The following WDCP variants were observed in gnomAD, a reference collection of about 807,000 sequenced individuals.
The protein encoded by WDCP is WD repeat and coiled-coil-containing protein.
In WDCP, 19 loss-of-function variants were observed where a neutral mutation model predicts 41.6. The ratio of observed to expected loss-of-function variants is 0.46; its 90% CI spans 0.32 to 0.67. The LOEUF (loss-of-function observed/expected upper bound fraction) is 0.67, where lower values mean the gene tolerates loss of function less well. Among genes scored for constraint, WDCP ranks in the 30% least tolerant of loss-of-function variants. The pLI is 0.04. For missense variants in WDCP, 802 were observed against 850.7 expected, an observed-to-expected ratio of 0.94 and a Z score of 0.71; for synonymous variants, 302 against 320.8, an observed-to-expected ratio of 0.94 and a Z score of 0.63.
intron 1 of WDCP, among the ~76,000 whole-genome samples, chr2:24,042,791 G>A (rs1048180534): frequency 2.0e-5 from 3 of 152,028 alleles, no homozygotes; most frequent in Non-Finnish European, 2.9e-5. Flanking sequence ...CTAGCATTTT[G>A]GGAGGCCGAG....
Position 24,038,162 on chromosome 2 carries a change from G to A in WDCP, c.1333C>T (p.Gln445Ter). 2.5e-6 allele frequency: 4 copies of A among 1,614,168 alleles called. No individual in the cohort carries two copies. The highest frequency in any genetic ancestry group is 3.4e-6 in the Non-Finnish European group (4 of 1,180,032). Residue 445 changes from glutamine (Q) to a stop codon, truncating the protein, a stop_gained, in exon 2 of 4, where the codon CAG becomes TAG. Transcript: ENST00000295148. LOFTEE classifies it high-confidence loss of function. The part of the protein sequence containing the change: ...EEPSITSGES[Q>*]TTYSTFSAPL... ...GCACTGAAAGTAGAGTAGGTAGTCTGGCTTTCACCTGATGTTATTGAAGGT... is the reference window on the plus strand; with the variant it reads ...GCACTGAAAGTAGAGTAGGTAGTCTAGCTTTCACCTGATGTTATTGAAGGT...
At chr2:24,044,110 G>C (rs1287281966) in intron 1 of WDCP, among the ~76,000 whole-genome samples, 1 of 152,078 alleles carries the variant, frequency 6.6e-6, no homozygotes, top group Non-Finnish European at 1.5e-5. Flanking sequence ...ACACTTTCAT[G>C]GGCAGAGAAA....
In WDCP at chr2:24,031,141, G is replaced by A. The variant is rs200535991; in HGVS notation, c.1958C>T (p.Ser653Phe). 1 of 1,613,850 alleles carries A rather than the reference G, an allele frequency of 6.2e-7. No individual in the cohort carries two copies. Among genetic ancestry groups the A allele is most frequent in the East Asian group, 2.2e-5 (1 of 44,888 alleles). Residue 653 changes from serine to phenylalanine, a missense_variant, in exon 4 of 4, where the codon TCT becomes TTT. Ser to Phe is a radical substitution (Grantham distance 155, BLOSUM62 -2). Coordinates refer to ENST00000295148, the MANE Select transcript of WDCP (RefSeq NM_025203.3). ...CGGGATAAAGCCCTCACTGTCAGCA[G>A]AGAGAAGAATCCAGTGGGAATCTGC... ...MLHDSHWILL[S>F]ADSEGFIPLT...
intron 2 of WDCP, among the ~76,000 whole-genome samples, chr2:24,037,077 G>C (rs1346376465): frequency 6.6e-6 from 1 of 152,202 alleles, no homozygotes; most frequent in Non-Finnish European, 1.5e-5. Flanking sequence ...GCCCAGGCTG[G>C]AGTGCAGTGG....
chr2:24,041,878 A>G (rs1200339475), intron 1 of WDCP, among the ~76,000 whole-genome samples: 1 of 142,818 alleles, frequency 7.0e-6, no homozygotes, highest in Non-Finnish European at 1.5e-5. Flanking sequence ...AAAAAAAAAA[A>G]AAAGATACAT....
At chr2:24,036,804 A>G (rs1663270266) in intron 2 of WDCP, among the ~76,000 whole-genome samples, 1 of 152,340 alleles carries the variant, frequency 6.6e-6, no homozygotes, top group Non-Finnish European at 1.5e-5. Flanking sequence ...CTATATATCT[A>G]TGTACACAAA....
chr2:24,035,018 AT>A (rs948485880), intron 2 of WDCP, among the ~76,000 whole-genome samples: 4 of 151,328 alleles, frequency 2.6e-5, no homozygotes, highest in African/African-American at 7.2e-5. Context: ...TTTATATTAG[AT>A]TTTTTTTGGA....
intron 2 of WDCP, 125 bp from the exon 3 acceptor site, chr2:24,033,071 T>C (rs1166850405): frequency 1.1e-5 from 8 of 720,234 alleles, no homozygotes; most frequent in Non-Finnish European, 2.0e-5. Flanking sequence ...TCAACTGGAC[T>C]TCAGTTTTAA....
chr2:24,036,252 T>C (rs1663253370), intron 2 of WDCP, among the ~76,000 whole-genome samples: 2 of 151,690 alleles, frequency 1.3e-5, no homozygotes, highest in South Asian at 4.2e-4. Context: ...ACACCTGTAA[T>C]CCCAGCACTT....
Position 24,038,349 on chromosome 2 carries a change from T to C in WDCP, c.1146A>G (p.Leu382=). Residue 382 remains leucine (L), a synonymous_variant, in exon 2 of 4, where the codon TTA becomes TTG. Transcript: ENST00000295148. The part of the protein sequence containing the change: ...SSVPNIQQIR[L]ENTERPKGIC... Reference sequence around the variant, plus strand: ...TCCCTTTTGGTCTTTCAGTGTTCTCTAATCGAATTTGCTGGATGTTTGGGA... The same window carrying C: ...TCCCTTTTGGTCTTTCAGTGTTCTCCAATCGAATTTGCTGGATGTTTGGGA... The C allele has an allele frequency of 6.2e-7, 1 of 1,614,210 alleles. No individual in the cohort carries two copies. The highest frequency in any genetic ancestry group is 8.5e-7 in the Non-Finnish European group (1 of 1,180,014).
At position 24,038,372 on chromosome 2, in the gene WDCP, G is replaced by T. The variant is rs1165303305; in HGVS notation, c.1123C>A (p.Pro375Thr). The T allele has an allele frequency of 6.2e-7, 1 of 1,614,008 alleles. No individual in the cohort carries two copies. Among genetic ancestry groups the T allele is most frequent in the Non-Finnish European group, 8.5e-7 (1 of 1,180,030 alleles). The change falls in exon 2 of 4, where the codon CCA (proline) becomes ACA (threonine). Residue 375 changes from proline (P) to threonine (T), a missense_variant. By Grantham distance (38) the Pro-to-Thr change is conservative. Around this residue, in one of 5 missense-constraint regions of WDCP, gnomAD observed 247 missense variants for 240.5 expected, o/e 1.03. Coordinates refer to ENST00000295148, the MANE Select transcript of WDCP (RefSeq NM_025203.3). ...LIYSVIPSSV[P>T]NIQQIRLENT... is the part of the protein sequence containing the mutation. ...TCTAATCGAATTTGCTGGATGTTTG[G>T]GACTGAAGATGGAATGACAGAGTAG...
At chr2:24,035,746 C>T (rs1396522470) in intron 2 of WDCP, among the ~76,000 whole-genome samples, 1 of 151,350 alleles carries the variant, frequency 6.6e-6, no homozygotes, top group Non-Finnish European at 1.5e-5. Flanking sequence ...AAGACCTTGT[C>T]TCTATAGTTA....
At chr2:24,033,909 C>T (rs1192579947) in intron 2 of WDCP, among the ~76,000 whole-genome samples, 1 of 152,118 alleles carries the variant, frequency 6.6e-6, no homozygotes, top group African/African-American at 2.4e-5. Context: ...TAAAACTATA[C>T]ATCACTGTGG....
At chr2:24,041,555 G>C (rs1213264287) in intron 1 of WDCP, among the ~76,000 whole-genome samples, 2 of 151,864 alleles carry the variant, frequency 1.3e-5, no homozygotes, top group East Asian at 3.9e-4. Context: ...TGGCTCATAG[G>C]CATGAGCCAC....
intron 1 of WDCP, among the ~76,000 whole-genome samples, chr2:24,043,641 AATTCC>A (rs767822392): frequency 6.6e-6 from 1 of 152,206 alleles, no homozygotes; most frequent in Non-Finnish European, 1.5e-5. Context: ...ACTTAAAATG[AATTCC>A]ATTCCAATTT....
chr2:24,030,793 G>A lies in WDCP; in HGVS notation c.*140C>T. The A allele has an allele frequency of 1.9e-6, 1 of 519,276 alleles. No individual in the cohort carries two copies. The highest frequency in any genetic ancestry group is 3.5e-6 in the Non-Finnish European group (1 of 286,428). The allele number at this position is 519,276 out of a possible 1,614,324, so 32.2% of individuals were successfully genotyped here. A position where few individuals can be genotyped will look rare whatever the true frequency, so the allele number is the denominator to read the frequency against. On this transcript the variant is annotated 3_prime_UTR_variant, in exon 4 of 4. Coordinates refer to ENST00000295148, the MANE Select transcript of WDCP (RefSeq NM_025203.3). ...AGCGAGCCTCAGCTCAGGGGAAACAGGGGGAAACCAGGAGAGCCGACCATG... is the reference window on the plus strand; with the variant it reads ...AGCGAGCCTCAGCTCAGGGGAAACAAGGGGAAACCAGGAGAGCCGACCATG...
At position 24,037,848 on chromosome 2, in the gene WDCP, T is replaced by C. The variant is rs747426487; in HGVS notation, c.1647A>G (p.Gln549=). The C allele has an allele frequency of 1.2e-5, 20 of 1,614,086 alleles. No individual in the cohort carries two copies. The highest frequency in any genetic ancestry group is 6.6e-5 in the South Asian group (6 of 91,094). ...ACAGCTGATAAGTTTCCTTTTCACT[T>C]TGTAAGTTCTTTCTTTGAGGCAAAC... is the stretch of plus-strand genomic sequence containing the variant. ...PPRLPQRKNL[Q]SEKETYQLSK... Residue 549 remains glutamine, a synonymous_variant, in exon 2 of 4, where the codon CAA becomes CAG. Coordinates refer to ENST00000295148, the MANE Select transcript of WDCP (RefSeq NM_025203.3).
chr2:24,031,845 A>T (rs1356200552), intron 3 of WDCP, among the ~76,000 whole-genome samples: 9 of 152,048 alleles, frequency 5.9e-5, no homozygotes, highest in Non-Finnish European at 1.3e-4. Flanking sequence ...AAAAGAAAGA[A>T]AGAAACATTC....
At chr2:24,034,774 C>T (rs1034358042) in intron 2 of WDCP, among the ~76,000 whole-genome samples, 19 of 151,960 alleles carry the variant, frequency 1.3e-4, no homozygotes, top group African/African-American at 4.4e-4. Context: ...AGGGTTTTGC[C>T]ATGCTGCCCA....
Sources: gnomAD v4.1 joint callset for allele counts (sites outside exome capture counted in the v4.1 genomes callset) on GRCh38, gnomAD v4.1.1 for gene constraint, gnomAD v4.1.1 regional missense constraint, MANE v1.5 for transcripts, NCBI Gene and HGNC (gene_info 2026-07-23, HGNC 2026-07-21) for gene names.